CLN6: variants seen among roughly 807,000 people sequenced by gnomAD.
CLN6 encodes the protein ceroid-lipofuscinosis neuronal protein 6.
CLN6 carries 22 observed loss-of-function variants against 33.3 expected under a neutral mutation model. That is an observed-to-expected ratio of 0.66 (90% CI 0.47 to 0.94). The LOEUF is 0.94. Ranked by LOEUF, CLN6 falls within the 40% of genes least tolerant of loss-of-function variation. The pLI is 0.00. For synonymous variants in CLN6, 201 were observed against 174.6 expected, an observed-to-expected ratio of 1.15 and a Z score of -1.19; for missense variants, 387 against 417.1, an observed-to-expected ratio of 0.93 and a Z score of 0.63.
intron 2 of CLN6, chr15:68,215,274 T>C (rs1030109528): frequency 3.9e-5 from 6 of 152,006 alleles, no homozygotes; most frequent in African/African-American, 1.5e-4. Context: ...TCAGTCTCTC[T>C]CTCTCTCTCT....
At chr15:68,238,080 G>A (rs144955693) in intron 1 of CLN6, among the ~76,000 whole-genome samples, 1 of 150,872 alleles carries the variant, frequency 6.6e-6, no homozygotes, top group Non-Finnish European at 1.5e-5. Context: ...CCAAGATTGT[G>A]CCACTGCACT....
intron 1 of CLN6, among the ~76,000 whole-genome samples, chr15:68,222,313 G>A (rs187840353): frequency 6.3e-4 from 88 of 139,638 alleles, no homozygotes; most frequent in Admixed American, 1.8e-3. Flanking sequence ...AGTGAGGAGC[G>A]CCTCTGCCTG....
upstream of CLN6, chr15:68,229,857 G>A (rs2093265216): frequency 3.7e-6 from 1 of 268,480 alleles, no homozygotes; most frequent in East Asian, 7.8e-5. Context: ...CTCGCGGGGC[G>A]GGGGCTGCTG....
chr15:68,245,288 C>T (rs779447155), intron 1 of CLN6, among the ~76,000 whole-genome samples: 1 of 151,856 alleles, frequency 6.6e-6, no homozygotes, highest in Non-Finnish European at 1.5e-5. Context: ...GGTGGCCAGG[C>T]GTGGTGGCTC....
Position 68,229,688 on chromosome 15 carries a change from G to C in CLN6, c.-104C>G. 2 of 942,712 alleles carry C rather than the reference G, an allele frequency of 2.1e-6. No individual in the cohort carries two copies. The highest frequency in any genetic ancestry group is 4.3e-5 in the Admixed American group (1 of 23,136). 58.4% of individuals were successfully genotyped at this position (942,712 alleles called of 1,614,324 possible). A position where few individuals can be genotyped will look rare whatever the true frequency, so the allele number is the denominator to read the frequency against. On this transcript the variant is annotated 5_prime_UTR_variant, in exon 1 of 7. Transcript: ENST00000249806. ...GCAAATTCCCAGCGCGGGGCGGTTC[G>C]GGGCGGGCCGGCGAGAGCGCGCGGC...
At chr15:68,250,450 C>A (rs186365642) in intron 1 of CLN6, among the ~76,000 whole-genome samples, 1 of 151,932 alleles carries the variant, frequency 6.6e-6, no homozygotes, top group Middle Eastern at 3.4e-3. Context: ...CATGGTGAAA[C>A]CCCGTCTCTA....
Position 68,207,689 on chromosome 15 carries a change from G to C in CLN6, c.*451C>G, listed in dbSNP as rs2093190861. 1 of 259,906 alleles carries C rather than the reference G, an allele frequency of 3.8e-6. No homozygotes were observed. The highest frequency in any genetic ancestry group is 2.2e-5 in the African/African-American group (1 of 45,382). 16.1% of individuals were successfully genotyped at this position (259,906 alleles called of 1,614,324 possible). A position where few individuals can be genotyped will look rare whatever the true frequency, so the allele number is the denominator to read the frequency against. On this transcript the variant is annotated 3_prime_UTR_variant, in exon 7 of 7. Transcript: ENST00000249806. ...GCTGACGTAACCTATGTAATGTAGG[G>C]TCAGGGTGGGCCTGAGGGATGAGCC... is the stretch of plus-strand genomic sequence containing the variant.
chr15:68,253,770 CAGTGGCG>C (rs957730502), intron 1 of CLN6, among the ~76,000 whole-genome samples: 4 of 151,964 alleles, frequency 2.6e-5, no homozygotes, highest in African/African-American at 9.7e-5. Context: ...ATTATGCCAC[CAGTGGCG>C]ACACACAAAC....
At chr15:68,229,478 C>A in intron 1 of CLN6, 24 bp downstream of exon 1, 1 of 1,454,442 alleles carries the variant, frequency 6.9e-7, no homozygotes, top group South Asian at 1.3e-5. Flanking sequence ...CCTAGCCCGC[C>A]CTCTCACCCC....
In CLN6 at chr15:68,228,446, C is replaced by A. The variant is rs574055266; in HGVS notation, c.83+1056G>T. On this transcript the variant is annotated intron_variant, in intron 1 of 6. Coordinates refer to ENST00000249806, the MANE Select transcript of CLN6 (RefSeq NM_017882.3). The surrounding 1 kb of genome is among the most constrained non-coding windows in gnomAD (Gnocchi z 4.4). ...GGCCCAACATTTGAGGCGGCACTCA[C>A]GGTCACGGCAGTGCGCCTACCCCTA... Among the ~76,000 whole-genome samples the A allele has an allele frequency of 2.4e-4, 36 of 152,306 alleles. No individual in the cohort carries two copies. The highest frequency in any genetic ancestry group is 8.4e-4 in the African/African-American group (35 of 41,572).
intron 1 of CLN6, among the ~76,000 whole-genome samples, chr15:68,250,965 A>C (rs1892373006): frequency 6.6e-6 from 1 of 152,200 alleles, no homozygotes; most frequent in African/African-American, 2.4e-5. Flanking sequence ...ATATAAAACT[A>C]ATCAAGGACT....
At position 68,210,773 on chromosome 15, in the gene CLN6, A is replaced by C. The variant is rs73425836; in HGVS notation, c.542+490T>G. On this transcript the variant is annotated intron_variant, in intron 5 of 6. Coordinates refer to ENST00000249806, the MANE Select transcript of CLN6 (RefSeq NM_017882.3). This position sits in a 1 kb window ranked among gnomAD's most constrained non-coding sequence, Gnocchi z 5.6. ...GGGAGTTCTGAAGAGGGGGGAGCGC[A>C]AACAGCACGCCCCTCCCCAGCCTGA... Among the ~76,000 whole-genome samples, 3,339 of 152,174 alleles carry C rather than the reference A, an allele frequency of 0.022. 115 individuals are homozygous for C. Among genetic ancestry groups the C allele is most frequent in the African/African-American group, 0.077 (3,202 of 41,530 alleles).
rs995803697 is a variant in CLN6 at position 68,236,062 on chromosome 15, A to G, written c.180-17412T>C. Among the ~76,000 whole-genome samples the G allele has an allele frequency of 3.9e-5, 6 of 152,252 alleles. No individual in the cohort carries two copies. The highest frequency in any genetic ancestry group is 5.9e-5 in the Non-Finnish European group (4 of 68,032). On this transcript the variant is annotated intron_variant, in intron 1 of 6. Transcript: ENST00000538696. This position sits in a 1 kb window ranked among gnomAD's most constrained non-coding sequence, Gnocchi z 4.5. ...TAGGAAATGTTTAAATAAATAAAAC[A>G]TGGTATCACAGGAAAAAGCAAGGGA...
rs1892337436 is a variant in CLN6 at position 68,247,276 on chromosome 15, C to G, written c.179+9414G>C. ...ATTTAGAAAAACCTAAAGACTCCAC[C>G]AAAAAACTGTTAGAACTGATAAACA... On this transcript the variant is annotated intron_variant, in intron 1 of 6. Coordinates refer to the CLN6 transcript ENST00000538696. The surrounding 1 kb of genome is among the most constrained non-coding windows in gnomAD (Gnocchi z 4.2). 6.6e-6 allele frequency among the ~76,000 whole-genome samples: 1 copy of G among 151,990 alleles called. No homozygotes were observed. Among genetic ancestry groups the G allele is most frequent in the Non-Finnish European group, 1.5e-5 (1 of 68,012 alleles).
chr15:68,249,797 G>A lies in CLN6; in HGVS notation c.179+6893C>T, dbSNP rs181682316. On this transcript the variant is annotated intron_variant, in intron 1 of 6. Coordinates refer to the CLN6 transcript ENST00000538696. ...CTTATTATTTTTTTGTGTATGTGACGGAGCCTCACTCTGTTGCCCAGGCTG... is the reference window on the plus strand; with the variant it reads ...CTTATTATTTTTTTGTGTATGTGACAGAGCCTCACTCTGTTGCCCAGGCTG... 5.6e-3 allele frequency among the ~76,000 whole-genome samples: 847 copies of A among 152,072 alleles called. 7 individuals carry two copies. The highest frequency in any genetic ancestry group is 0.019 in the African/African-American group (801 of 41,464).
chr15:68,226,767 T>C (rs575092376), intron 1 of CLN6, among the ~76,000 whole-genome samples: 2 of 152,148 alleles, frequency 1.3e-5, no homozygotes, highest in South Asian at 2.1e-4. Context: ...ACCTGGCCAG[T>C]AGATCGTATC....
chr15:68,246,841 G>C lies in CLN6; in HGVS notation c.179+9849C>G, dbSNP rs1892333220. 6.6e-6 allele frequency among the ~76,000 whole-genome samples: 1 copy of C among 152,038 alleles called. No individual in the cohort carries two copies. The highest frequency in any genetic ancestry group is 1.5e-5 in the Non-Finnish European group (1 of 68,024). ...ACCATTAACTAGGCTAAGATAAAAG[G>C]AGAGAAGTCCCAAATAAATAAAATT... On this transcript the variant is annotated intron_variant, in intron 1 of 6. Coordinates refer to the CLN6 transcript ENST00000538696. The surrounding 1 kb of genome is among the most constrained non-coding windows in gnomAD (Gnocchi z 4.5).
At chr15:68,221,825 G>A (rs111571499) in intron 1 of CLN6, among the ~76,000 whole-genome samples, 59,958 of 121,570 alleles carry the variant, frequency 0.49, 16,035 homozygotes, top group Non-Finnish European at 0.56. Context: ...AGTGAGGAGC[G>A]CCTCTGCCCA....
rs1172159083 is a variant in CLN6 at position 68,228,313 on chromosome 15, C to G, written c.83+1189G>C. Reference sequence around the variant, plus strand: ...CTTCCTAACAAGGACTTTGCGCATGCTAGTGCTCAGAAACTTCTCACGACT... The same window carrying G: ...CTTCCTAACAAGGACTTTGCGCATGGTAGTGCTCAGAAACTTCTCACGACT... On this transcript the variant is annotated intron_variant, in intron 1 of 6. Transcript: ENST00000249806. This position sits in a 1 kb window ranked among gnomAD's most constrained non-coding sequence, Gnocchi z 4.4. Among the ~76,000 whole-genome samples the G allele has an allele frequency of 6.6e-6, 1 of 152,174 alleles. No homozygotes were observed. Among genetic ancestry groups the G allele is most frequent in the Non-Finnish European group, 1.5e-5 (1 of 68,028 alleles).
Sources: allele counts gnomAD v4.1 joint callset (sites outside exome capture counted in the v4.1 genomes callset), GRCh38; gene constraint gnomAD v4.1.1; non-coding constraint Gnocchi (gnomAD v3.1); transcripts MANE v1.5; gene names NCBI Gene and HGNC (gene_info 2026-07-23, HGNC 2026-07-21).